Variants in DOCK5 observed in about 807,000 individuals in gnomAD.
The protein encoded by DOCK5 is dedicator of cytokinesis protein 5.
A neutral mutation model predicts 251.8 loss-of-function variants in DOCK5; 142 were observed. The ratio of observed to expected loss-of-function variants is 0.56; its 90% CI spans 0.49 to 0.65. DOCK5 has a LOEUF of 0.65. Ranked by LOEUF, DOCK5 falls within the 30% of genes least tolerant of loss-of-function variation. The pLI, the probability that DOCK5 is intolerant of heterozygous loss-of-function variation, is 0.00. For missense variants in DOCK5, 2,111 were observed against 2,312.3 expected, an observed-to-expected ratio of 0.91 and a Z score of 1.79; for synonymous variants, 842 against 835.5, an observed-to-expected ratio of 1.01 and a Z score of -0.13.
chr8:25,277,686 G>C (rs1239838363), intron 4 of DOCK5, among the ~76,000 whole-genome samples: 2 of 152,310 alleles, frequency 1.3e-5, no homozygotes, highest in South Asian at 4.1e-4. Flanking sequence ...AGGAAACGTA[G>C]GTGGGGAGGC....
intron 1 of DOCK5, among the ~76,000 whole-genome samples, chr8:25,187,240 TA>T (rs1801452112): frequency 5.5e-5 from 8 of 145,310 alleles, no homozygotes; most frequent in Admixed American, 4.8e-4. Flanking sequence ...CGTATATATA[TA>T]TATACACACA....
chr8:25,263,785 C>T (rs999317638), intron 2 of DOCK5, among the ~76,000 whole-genome samples: 8 of 151,750 alleles, frequency 5.3e-5, no homozygotes, highest in Non-Finnish European at 7.4e-5. Flanking sequence ...GACCCCTCTG[C>T]GGATGTGCAG....
chr8:25,332,733 C>G (rs757436596), intron 20 of DOCK5, 41 bp downstream of exon 20: 1 of 1,470,148 alleles, frequency 6.8e-7, no homozygotes, highest in Non-Finnish European at 9.3e-7. Flanking sequence ...ATTGTTGCAA[C>G]TTTGTAGTTT....
intron 5 of DOCK5, among the ~76,000 whole-genome samples, chr8:25,279,640 T>C (rs1398165996): frequency 6.6e-6 from 1 of 152,048 alleles, no homozygotes; most frequent in African/African-American, 2.4e-5. Context: ...TTTTTTGAGA[T>C]GGAGTCTCGC....
At chr8:25,187,244 T>TACATATATATACGTATATATATATAC (rs1801452930) in intron 1 of DOCK5, among the ~76,000 whole-genome samples, 4 of 136,334 alleles carry the variant, frequency 2.9e-5, no homozygotes, top group Non-Finnish European at 6.1e-5. Context: ...TATATATATA[T>TACATATATATACGTATATATATATAC]ACACACACAC....
chr8:25,366,859 A>AT lies in DOCK5; in HGVS notation c.3124-7dup. 1.9e-6 allele frequency: 3 copies of AT among 1,610,932 alleles called. No individual in the cohort carries two copies. Among genetic ancestry groups the AT allele is most frequent in the Non-Finnish European group, 2.5e-6 (3 of 1,177,726 alleles). Reference sequence around the variant, plus strand: ...TCATTTCCCTTTACCCACACAATTAATTTTGAACAGCTCTGGAACAATTAC... The same window carrying AT: ...TCATTTCCCTTTACCCACACAATTAATTTTTGAACAGCTCTGGAACAATTAC... On this transcript the variant is annotated splice_polypyrimidine_tract_variant and intron_variant, in intron 30 of 51. Coordinates refer to ENST00000276440, the MANE Select transcript of DOCK5 (RefSeq NM_024940.8).
chr8:25,185,028 C>T (rs944373173), intron 1 of DOCK5, 77 bp downstream of exon 1: 19 of 1,266,588 alleles, frequency 1.5e-5, no homozygotes, highest in Admixed American at 4.1e-5. Flanking sequence ...CAGGTTTGCG[C>T]AGAGCCCGGC....
intron 14 of DOCK5, among the ~76,000 whole-genome samples, chr8:25,317,940 G>C (rs1187869014): frequency 1.3e-5 from 2 of 152,052 alleles, no homozygotes; most frequent in Non-Finnish European, 1.5e-5. Flanking sequence ...ACAGGAAACT[G>C]TAAGAAACTT....
rs750031159 is a variant in DOCK5, at chr8:25,377,385, G to A, written c.3897G>A (p.Lys1299=). The change falls in exon 38 of 52, where the codon AAG becomes AAA. Residue 1299 remains lysine (K), a synonymous_variant. Coordinates refer to ENST00000276440, the MANE Select transcript of DOCK5 (RefSeq NM_024940.8). ...ATACCCAGCAAGAGCTTAAAGAGAA[G>A]CTGTATCAAGAAATCATATCATATT... is the stretch of plus-strand genomic sequence containing the variant. ...YVYTQQELKE[K]LYQEIISYFD... 2.5e-6 allele frequency: 4 copies of A among 1,613,664 alleles called. No individual in the cohort carries two copies. Among genetic ancestry groups the A allele is most frequent in the African/African-American group, 1.3e-5 (1 of 74,940 alleles).
intron 1 of DOCK5, among the ~76,000 whole-genome samples, chr8:25,187,711 G>A (rs57646049): frequency 0.17 from 26,169 of 151,758 alleles, 3,290 homozygotes; most frequent in African/African-American, 0.36. Context: ...ATTATCTCTC[G>A]AGGCTTCTTT....
In DOCK5 at chr8:25,390,304, T is replaced by A; in HGVS notation, c.4355+17T>A. ...GATCTTAAAGTAAGTGGTTTTTCATTTAAAAAAAAAAAAAATCTGTGTCTA... is the reference window on the plus strand; with the variant it reads ...GATCTTAAAGTAAGTGGTTTTTCATATAAAAAAAAAAAAAATCTGTGTCTA... On this transcript the variant is annotated intron_variant, in intron 42 of 51. Transcript: ENST00000276440. The A allele has an allele frequency of 2.0e-6, 3 of 1,513,444 alleles. No individual in the cohort carries two copies. Among genetic ancestry groups the A allele is most frequent in the Admixed American group, 2.3e-5 (1 of 44,042 alleles). 93.8% of individuals were successfully genotyped at this position (1,513,444 alleles called of 1,614,324 possible).
intron 6 of DOCK5, among the ~76,000 whole-genome samples, chr8:25,295,783 G>T (rs1280421816): frequency 6.6e-6 from 1 of 152,072 alleles, no homozygotes; most frequent in Non-Finnish European, 1.5e-5. Flanking sequence ...ATCAATGTTT[G>T]TGAAGTGTAT....
At chr8:25,265,712 T>C (rs1466534633) in intron 2 of DOCK5, among the ~76,000 whole-genome samples, 1 of 151,922 alleles carries the variant, frequency 6.6e-6, no homozygotes, top group East Asian at 1.9e-4. Flanking sequence ...ATTTGTAGAA[T>C]GACTGCATGT....
chr8:25,386,741 A>T (rs1801171141), intron 40 of DOCK5, among the ~76,000 whole-genome samples: 1 of 152,210 alleles, frequency 6.6e-6, no homozygotes, highest in African/African-American at 2.4e-5. Flanking sequence ...GAAATCAGAA[A>T]TGTGACCACA....
intron 27 of DOCK5, among the ~76,000 whole-genome samples, chr8:25,352,830 G>GA (rs372250626): frequency 1.2e-4 from 18 of 151,898 alleles, no homozygotes; most frequent in African/African-American, 4.1e-4. Flanking sequence ...GGGCTAGAGA[G>GA]AAAAAAAATG....
At chr8:25,315,800 G>T (rs1394339911) in intron 13 of DOCK5, among the ~76,000 whole-genome samples, 3 of 152,150 alleles carry the variant, frequency 2.0e-5, no homozygotes, top group Non-Finnish European at 4.4e-5. Flanking sequence ...GTGTGAATAA[G>T]CCCCTTTTTC....
intron 36 of DOCK5, 106 bp from the exon 37 acceptor site, chr8:25,374,458 G>T: frequency 9.4e-7 from 1 of 1,066,112 alleles, no homozygotes; most frequent in African/African-American, 1.6e-5. Flanking sequence ...TCGGACCACT[G>T]CATACTGCAG....
At chr8:25,210,036 ATGTGTGTGTGTG>A (rs780570238) in intron 1 of DOCK5, among the ~76,000 whole-genome samples, 10,044 of 31,638 alleles carry the variant, frequency 0.32, 4,052 homozygotes, top group Admixed American at 0.48. Context: ...ATATATATAA[ATGTGTGTGTGTG>A]TGTGTGTGTG....
At chr8:25,392,290 C>T (rs548185605) in intron 43 of DOCK5, among the ~76,000 whole-genome samples, 16 of 137,606 alleles carry the variant, frequency 1.2e-4, no homozygotes, top group African/African-American at 4.1e-4. Flanking sequence ...GGCGACAGAG[C>T]GAGACTTCGT....
Sources: allele counts gnomAD v4.1 joint callset (sites outside exome capture counted in the v4.1 genomes callset), GRCh38; gene constraint gnomAD v4.1.1; transcripts MANE v1.5; gene names NCBI Gene and HGNC (gene_info 2026-07-23, HGNC 2026-07-21).